FSTL4: variants seen among roughly 807,000 people sequenced by gnomAD.
The protein encoded by FSTL4 is follistatin-related protein 4.
Under a neutral mutation model 78.2 loss-of-function variants are expected in FSTL4, and 28 were observed. The ratio of observed to expected loss-of-function variants is 0.36; its 90% confidence interval spans 0.27 to 0.49. FSTL4 has a LOEUF of 0.49. FSTL4 is among the 20% of genes least tolerant of loss of function. The pLI is 0.98. For synonymous variants in FSTL4, 422 were observed against 440.5 expected (o/e 0.96, Z 0.53); for missense variants, 922 against 1,084.9 (o/e 0.85, Z 2.11).
chr5:133,697,743 C>T, the FSTL4 span, among the ~76,000 whole-genome samples: 1 of 152,160 alleles, frequency 6.6e-6, no homozygotes, highest in East Asian at 1.9e-4. Flanking sequence ...TGCCATGGCC[C>T]AAGGAAGGGT....
chr5:133,562,974 T>C (rs1759951816), intron 3 of FSTL4, among the ~76,000 whole-genome samples: 1 of 152,162 alleles, frequency 6.6e-6, no homozygotes, highest in African/African-American at 2.4e-5. Flanking sequence ...GTGGCACCTT[T>C]TGCTGAAGCT....
the FSTL4 span, among the ~76,000 whole-genome samples, chr5:133,652,451 T>C: frequency 3.3e-5 from 5 of 151,842 alleles, no homozygotes. Context: ...AGTTGTGTTT[T>C]CATTTTCATT....
At chr5:133,737,546 T>G in the FSTL4 span, among the ~76,000 whole-genome samples, 1 of 151,952 alleles carries the variant, frequency 6.6e-6, no homozygotes, top group East Asian at 1.9e-4. Flanking sequence ...TTATCTATTA[T>G]GAACAGTGCT....
intron 7 of FSTL4, among the ~76,000 whole-genome samples, chr5:133,239,982 A>C (rs546443771): frequency 6.6e-6 from 1 of 152,368 alleles, no homozygotes; most frequent in South Asian, 2.1e-4. Context: ...CTCCGGAGTC[A>C]GAAGTGGCAA....
At chr5:133,443,965 C>G (rs1757211530) in intron 3 of FSTL4, among the ~76,000 whole-genome samples, 1 of 152,196 alleles carries the variant, frequency 6.6e-6, no homozygotes, top group Admixed American at 6.5e-5. Flanking sequence ...CCTATCTCTC[C>G]ATTTTGGGAC....
the FSTL4 span, among the ~76,000 whole-genome samples, chr5:133,715,783 C>T: frequency 2.0e-5 from 3 of 152,196 alleles, no homozygotes; most frequent in African/African-American, 7.2e-5. Flanking sequence ...TGCGAAATCC[C>T]AAACACTGCG....
intron 6 of FSTL4, among the ~76,000 whole-genome samples, chr5:133,285,797 C>T (rs6874084): frequency 0.21 from 31,238 of 152,172 alleles, 3,584 homozygotes; most frequent in African/African-American, 0.29. Context: ...CCACCTGGCC[C>T]GGTTTGGTGA....
chr5:133,381,735 T>G (rs550571989), intron 4 of FSTL4, among the ~76,000 whole-genome samples: 1 of 152,358 alleles, frequency 6.6e-6, no homozygotes, highest in South Asian at 2.1e-4. Flanking sequence ...TTTCACCAAG[T>G]GGTTTCCCTT....
chr5:133,470,091 G>C (rs1364808424), intron 3 of FSTL4, among the ~76,000 whole-genome samples: 2 of 152,158 alleles, frequency 1.3e-5, no homozygotes, highest in Admixed American at 6.5e-5. Flanking sequence ...CTCCCAGCCT[G>C]CTCATCCTAA....
intron 7 of FSTL4, among the ~76,000 whole-genome samples, chr5:133,248,960 A>C (rs2033692015): frequency 6.6e-6 from 1 of 152,118 alleles, no homozygotes. Flanking sequence ...CCTTCCCTGC[A>C]CACAGCTGTC....
At chr5:133,435,296 T>C (rs185407926) in intron 3 of FSTL4, among the ~76,000 whole-genome samples, 1 of 152,244 alleles carries the variant, frequency 6.6e-6, no homozygotes, top group African/African-American at 2.4e-5. Context: ...CACAAAATAC[T>C]CAAGTAATTC....
the FSTL4 span, among the ~76,000 whole-genome samples, chr5:133,670,113 A>G: frequency 6.6e-6 from 1 of 152,236 alleles, no homozygotes; most frequent in African/African-American, 2.4e-5. Context: ...TCCGTCGTCA[A>G]CATAGCAGTA....
rs1054408455 is a variant in FSTL4, at chr5:133,611,189, C to A, written c.-11+1136G>T. Among the ~76,000 whole-genome samples, 1 of 152,164 alleles carries A rather than the reference C, an allele frequency of 6.6e-6. No homozygotes were observed. On this transcript the variant is annotated intron_variant, in intron 1 of 15. Transcript: ENST00000265342. The surrounding 1 kb of genome is among the most constrained non-coding windows in gnomAD (Gnocchi z 4.9). ...GGCTGCTGGACAGCGCCCCGGCACC[C>A]GCTCTCGAGCCGCGACACCGACCTC...
chr5:133,423,607 G>A (rs1756744157), intron 3 of FSTL4, among the ~76,000 whole-genome samples: 1 of 152,212 alleles, frequency 6.6e-6, no homozygotes, highest in African/African-American at 2.4e-5. Context: ...GGGGATGATG[G>A]CGGTGAGGCG....
At chr5:133,673,625 C>T in the FSTL4 span, among the ~76,000 whole-genome samples, 1 of 152,220 alleles carries the variant, frequency 6.6e-6, no homozygotes, top group South Asian at 2.1e-4. Context: ...TTTGAATTCT[C>T]CAATTTAAGT....
At chr5:133,572,238 C>A (rs757409224) in intron 2 of FSTL4, among the ~76,000 whole-genome samples, 43 of 152,198 alleles carry the variant, frequency 2.8e-4, no homozygotes, top group Non-Finnish European at 5.6e-4. Context: ...AATAATGGAA[C>A]CAGAAGACAA....
chr5:133,290,801 C>T (rs887134082), intron 6 of FSTL4, among the ~76,000 whole-genome samples: 1 of 152,252 alleles, frequency 6.6e-6, no homozygotes, highest in Admixed American at 6.5e-5. Flanking sequence ...GGCTCCAGGC[C>T]ACCTGCCTTT....
At chr5:133,445,726 C>T (rs769075948) in intron 3 of FSTL4, among the ~76,000 whole-genome samples, 2 of 152,152 alleles carry the variant, frequency 1.3e-5, no homozygotes, top group South Asian at 2.1e-4. Flanking sequence ...CAGGCCCTCC[C>T]GGGTCCCCAG....
At position 133,321,758 on chromosome 5, in the gene FSTL4, C is replaced by T. The variant is rs141121847; in HGVS notation, c.410-5106G>A. Among the ~76,000 whole-genome samples the T allele has an allele frequency of 2.4e-3, 373 of 152,324 alleles. 1 individual carries two copies. Among genetic ancestry groups the T allele is most frequent in the African/African-American group, 8.6e-3 (357 of 41,578 alleles). The stretch of plus-strand genomic sequence containing the variant: ...GGAGACTCAGAATACAGTTGAACTT[C>T]AGCATTGATTAATCCGGAGGCATGA... On this transcript the variant is annotated intron_variant, in intron 4 of 15. Coordinates refer to ENST00000265342, the MANE Select transcript of FSTL4 (RefSeq NM_015082.2).
Sources: gnomAD v4.1 joint callset for allele counts (sites outside exome capture counted in the v4.1 genomes callset) on GRCh38, gnomAD v4.1.1 for gene constraint, Gnocchi (gnomAD v3.1) non-coding constraint, MANE v1.5 for transcripts, NCBI Gene and HGNC (gene_info 2026-07-23, HGNC 2026-07-21) for gene names.